The following PPCS variants were observed in gnomAD, a reference collection of about 807,000 sequenced individuals.
The protein encoded by PPCS is phosphopantothenate--cysteine ligase.
Under a neutral mutation model 24.6 loss-of-function variants are expected in PPCS, and 17 were observed. The ratio of observed to expected loss-of-function variants is 0.69; its 90% CI spans 0.47 to 1.04. The LOEUF (loss-of-function observed/expected upper bound fraction) is 1.04. PPCS is among the 50% of genes least tolerant of loss of function. The pLI is 0.00. For missense variants in PPCS, 360 were observed against 402.8 expected (o/e 0.89, Z 0.91); for synonymous variants, 190 against 168.3 (o/e 1.13, Z -1.00).
chr1:42,457,428 C>A (rs1569602710), intron 2 of PPCS, 78 bp downstream of exon 2: 1 of 1,259,166 alleles, frequency 7.9e-7, no homozygotes, highest in Non-Finnish European at 1.2e-6. Context: ...CTGGAGATGG[C>A]CTTTCTGCAT....
Position 42,456,872 on chromosome 1 carries a change from T to A in PPCS, c.307T>A (p.Ser103Thr). Residue 103 changes from serine to threonine, a missense_variant, in exon 1 of 3, where the codon TCC becomes ACC. Ser to Thr is a moderately conservative substitution (Grantham distance 58). Transcript: ENST00000372561. ...CCGCTTCCCACCCCAGACTTGGCTG[T>A]CCGCTCTGCGGCCTTCGGGCCCAGC... is the stretch of plus-strand genomic sequence containing the variant. ...AHRFPPQTWL[S>T]ALRPSGPALS... is the part of the protein sequence containing the mutation. The A allele has an allele frequency of 6.2e-7, 1 of 1,613,336 alleles. No homozygotes were observed. Among genetic ancestry groups the A allele is most frequent in the Non-Finnish European group, 8.5e-7 (1 of 1,180,032 alleles).
chr1:42,465,096 T>C (rs913452759), downstream of PPCS, among the ~76,000 whole-genome samples: 2 of 152,172 alleles, frequency 1.3e-5, no homozygotes, highest in Non-Finnish European at 2.9e-5. Context: ...TAGCAAGGCA[T>C]AAATTTAAAA....
intron 2 of PPCS, 84 bp from the exon 3 acceptor site, chr1:42,459,519 A>T: frequency 8.4e-7 from 1 of 1,191,832 alleles, no homozygotes; most frequent in African/African-American, 1.5e-5. Context: ...TCCCACTTAA[A>T]TTTAATTCCT....
intron 2 of PPCS, among the ~76,000 whole-genome samples, chr1:42,469,583 G>A (rs997086122): frequency 4.6e-5 from 7 of 152,234 alleles, no homozygotes; most frequent in African/African-American, 1.4e-4. Context: ...TAGAAAAGGA[G>A]ATAAGGAACA....
At chr1:42,457,602 T>TG (rs1236785416) in intron 2 of PPCS, 1 of 509,754 alleles carries the variant, frequency 2.0e-6, no homozygotes, top group African/African-American at 1.9e-5. Flanking sequence ...ATGGGGCGAG[T>TG]GAATCCTGGG....
chr1:42,458,665 A>T (rs1422124013), intron 2 of PPCS, among the ~76,000 whole-genome samples: 1 of 152,200 alleles, frequency 6.6e-6, no homozygotes, highest in African/African-American at 2.4e-5. Flanking sequence ...TTTTAGGGCA[A>T]AGTCTGATGA....
rs374110717 is a variant in PPCS, at chr1:42,458,792, A to G, written c.613-811A>G. On this transcript the variant is annotated intron_variant, in intron 2 of 2. Transcript: ENST00000372561. ...ACATTACCCTGAGAAGGGATTGGGG[A>G]TGAGGTACTAGGAGTTTTGGTCAAG... Among the ~76,000 whole-genome samples, 67 of 152,316 alleles carry G rather than the reference A, an allele frequency of 4.4e-4. 3 individuals carry two copies. The South Asian group carries it at 0.012, about 28-fold the overall frequency.
Position 42,460,777 on chromosome 1 carries a change from T to C in PPCS, c.*851T>C, listed in dbSNP as rs1057282532. On this transcript the variant is annotated 3_prime_UTR_variant, in exon 3 of 3. Coordinates refer to ENST00000372561, the MANE Select transcript of PPCS (RefSeq NM_024664.4). ...AGTGTCCACATGCATAAAATGAGGA[T>C]AATCTCTCTGCAAAGTAATGCCATT... Among the ~76,000 whole-genome samples the C allele has an allele frequency of 6.6e-6, 1 of 152,240 alleles. No homozygotes were observed. Among genetic ancestry groups the C allele is most frequent in the Non-Finnish European group, 1.5e-5 (1 of 68,048 alleles).
At chr1:42,462,835 T>A (rs1469391110), downstream of PPCS, among the ~76,000 whole-genome samples, 2 of 152,188 alleles carry the variant, frequency 1.3e-5, no homozygotes, top group African/African-American at 2.4e-5. Context: ...TTTACAATAA[T>A]AAGCTGGATC....
In PPCS at chr1:42,460,019, AAATG is replaced by A; in HGVS notation, c.*96_*99del. On this transcript the variant is annotated 3_prime_UTR_variant, in exon 3 of 3. Coordinates refer to ENST00000372561, the MANE Select transcript of PPCS (RefSeq NM_024664.4). Reference sequence around the variant, plus strand: ...ACCATGGCTTTCATATGGACAGATAAAATGAAAGAAAGGGAAAAGGCAGTGGTGT... The same window carrying A: ...ACCATGGCTTTCATATGGACAGATAAAAAGAAAGGGAAAAGGCAGTGGTGT... The A allele has an allele frequency of 1.4e-6, 2 of 1,456,970 alleles. No individual in the cohort carries two copies. Among genetic ancestry groups the A allele is most frequent in the East Asian group, 2.4e-5 (1 of 41,696 alleles). The allele number at this position is 1,456,970 out of a possible 1,614,324, so 90.3% of individuals were successfully genotyped here. A position where few individuals can be genotyped will look rare whatever the true frequency, so the allele number is the denominator to read the frequency against.
chr1:42,459,951 A>T lies in PPCS; in HGVS notation c.*25A>T, dbSNP rs1315566161. On this transcript the variant is annotated 3_prime_UTR_variant, in exon 3 of 3. Transcript: ENST00000372561. ...AAGTAAAAAGCCCTTATAGGATCAA[A>T]AATTGTTCAGGGCTCTTAGAGATGG... 7.0e-6 allele frequency: 11 copies of T among 1,565,454 alleles called. No individual in the cohort carries two copies. Among genetic ancestry groups the T allele is most frequent in the Non-Finnish European group, 9.5e-6 (11 of 1,159,604 alleles).
At chr1:42,457,560 T>C (rs1643257727) in intron 2 of PPCS, 3 of 587,994 alleles carry the variant, frequency 5.1e-6, no homozygotes, top group South Asian at 2.0e-5. Context: ...ATAAATGCTC[T>C]AGTGGAGGTA....
chr1:42,461,354 G>C (rs1336105185), downstream of PPCS, among the ~76,000 whole-genome samples: 2 of 152,104 alleles, frequency 1.3e-5, no homozygotes, highest in African/African-American at 4.8e-5. Context: ...AATTTTCTTA[G>C]AGACAAGGTC....
downstream of PPCS, among the ~76,000 whole-genome samples, chr1:42,462,995 A>G (rs747484250): frequency 3.9e-5 from 6 of 152,222 alleles, no homozygotes; most frequent in Non-Finnish European, 7.3e-5. Flanking sequence ...CAGGGGCTCC[A>G]GCTGAGTCCT....
rs774422386 is a variant in PPCS at position 42,456,625 on chromosome 1, TGAG to T, written c.62_64del (p.Glu21del). The stretch of plus-strand genomic sequence containing the variant: ...AGCCTCCCGGTGCTGCGCGCTGGGC[TGAG>T]GTTATGGCTCGCTTCGCGGCCAGGC... On this transcript the variant is annotated inframe_deletion, in exon 1 of 3. Transcript: ENST00000372561. 3 of 1,578,306 alleles carry T rather than the reference TGAG, an allele frequency of 1.9e-6. No homozygotes were observed. Among genetic ancestry groups the T allele is most frequent in the South Asian group, 2.3e-5 (2 of 86,024 alleles).
At chr1:42,465,293 A>C (rs1312623067), downstream of PPCS, among the ~76,000 whole-genome samples, 1 of 152,224 alleles carries the variant, frequency 6.6e-6, no homozygotes, top group Non-Finnish European at 1.5e-5. Context: ...CCTGGGCTAC[A>C]GAGTGAGACC....
At chr1:42,457,967 A>C (rs1021162388) in intron 2 of PPCS, among the ~76,000 whole-genome samples, 5 of 151,712 alleles carry the variant, frequency 3.3e-5, no homozygotes, top group Admixed American at 6.6e-5. Flanking sequence ...AAAAAAAAAA[A>C]AAACACCAAA....
intron 2 of PPCS, among the ~76,000 whole-genome samples, chr1:42,457,870 G>A (rs1199918956): frequency 6.6e-6 from 1 of 151,290 alleles, no homozygotes; most frequent in Non-Finnish European, 1.5e-5. Context: ...CAGAAGAATC[G>A]CTTGAAACCA....
intron 2 of PPCS, among the ~76,000 whole-genome samples, chr1:42,470,295 T>TG (rs1643727216): frequency 6.6e-6 from 1 of 151,226 alleles, no homozygotes; most frequent in Admixed American, 6.6e-5. Flanking sequence ...GATGGCTATT[T>TG]TTTTTTTAAA....
Sources: allele counts gnomAD v4.1 joint callset (sites outside exome capture counted in the v4.1 genomes callset), GRCh38; gene constraint gnomAD v4.1.1; transcripts MANE v1.5; gene names NCBI Gene and HGNC (gene_info 2026-07-23, HGNC 2026-07-21).